The following ARL15 variants were observed in gnomAD, a reference collection of about 807,000 sequenced individuals.
ARL15 encodes ARF like GTPase 15.
In ARL15, 19 loss-of-function variants were observed where a neutral mutation model predicts 25.2. The observed-to-expected ratio is 0.75, with a 90% CI of 0.53 to 1.10. The LOEUF (loss-of-function observed/expected upper bound fraction) is 1.10. Ranked by LOEUF, ARL15 falls within the 50% of genes least tolerant of loss-of-function variation. The pLI is 0.00. For missense variants in ARL15, 220 were observed against 246.0 expected, an observed-to-expected ratio of 0.89 and a Z score of 0.71; for synonymous variants, 94 against 86.8, an observed-to-expected ratio of 1.08 and a Z score of -0.46.
intron 4 of ARL15, among the ~76,000 whole-genome samples, chr5:54,049,939 A>C (rs1021170983): frequency 2.0e-5 from 3 of 152,150 alleles, no homozygotes; most frequent in Non-Finnish European, 2.9e-5. Flanking sequence ...AAGAACGGGC[A>C]GACAAGTTTA....
chr5:54,179,479 C>T (rs1471905664), intron 1 of ARL15, among the ~76,000 whole-genome samples: 8 of 152,036 alleles, frequency 5.3e-5, no homozygotes, highest in Non-Finnish European at 2.9e-5. Flanking sequence ...GGTTTATGGC[C>T]AAAGTATCTC....
chr5:54,280,977 A>G (rs1196945906), intron 1 of ARL15, among the ~76,000 whole-genome samples: 1 of 151,974 alleles, frequency 6.6e-6, no homozygotes, highest in East Asian at 1.9e-4. Context: ...GCTGGTGGAA[A>G]AAAAAAAAAA....
intron 4 of ARL15, among the ~76,000 whole-genome samples, chr5:53,954,263 A>G (rs1050850611): frequency 6.6e-6 from 1 of 152,188 alleles, no homozygotes; most frequent in African/African-American, 2.4e-5. Context: ...CAGCTACTTC[A>G]GTAAGGTTGC....
At chr5:54,162,844 C>T (rs1374125505) in intron 2 of ARL15, among the ~76,000 whole-genome samples, 2 of 152,186 alleles carry the variant, frequency 1.3e-5, no homozygotes, top group Non-Finnish European at 2.9e-5. Context: ...ATCATGCCAT[C>T]AGCAAGTACG....
intron 1 of ARL15, among the ~76,000 whole-genome samples, chr5:54,175,942 G>A (rs561093140): frequency 1.3e-5 from 2 of 152,246 alleles, no homozygotes; most frequent in South Asian, 2.1e-4. Context: ...GTGAGCCACT[G>A]AGCCTGGTCT....
intron 1 of ARL15, among the ~76,000 whole-genome samples, chr5:54,220,861 T>C (rs553459321): frequency 1.4e-4 from 22 of 152,150 alleles, no homozygotes; most frequent in Admixed American, 2.6e-4. Context: ...AGATCCGCAG[T>C]GCCGACTCTC....
intron 4 of ARL15, among the ~76,000 whole-genome samples, chr5:53,908,998 AG>A (rs1411279753): frequency 6.6e-6 from 1 of 152,208 alleles, no homozygotes; most frequent in Non-Finnish European, 1.5e-5. Flanking sequence ...GAACAGGAAA[AG>A]TTCCATTCAT....
At position 54,209,333 on chromosome 5, in the gene ARL15, AAGAG is replaced by A. The variant is rs71600812; in HGVS notation, c.49-37409_49-37406del. 3.7e-3 allele frequency among the ~76,000 whole-genome samples: 544 copies of A among 148,578 alleles called. 2 individuals carry two copies. Among genetic ancestry groups the A allele is most frequent in the African/African-American group, 0.011 (459 of 40,562 alleles). On this transcript the variant is annotated intron_variant, in intron 1 of 4. Transcript: ENST00000504924. ...TGATGGTGGTAAATATAAAAAGAGA[AAGAG>A]AGAGAGAGAGAGAGAGAGGCTAAAT...
At position 54,087,018 on chromosome 5, in the gene ARL15, T is replaced by C. The variant is rs371076312; in HGVS notation, c.462+26184A>G. Among the ~76,000 whole-genome samples, 132 of 152,268 alleles carry C rather than the reference T, an allele frequency of 8.7e-4. 2 individuals are homozygous for C. Among genetic ancestry groups the C allele is most frequent in the African/African-American group, 3.2e-3 (131 of 41,550 alleles). On this transcript the variant is annotated intron_variant, in intron 4 of 4. Coordinates refer to ENST00000504924, the MANE Select transcript of ARL15 (RefSeq NM_019087.3). ...TAATAGATGATTTTCATGTTAAACC[T>C]GGGTAAGCAGAAGTAAGGTGTTTAA...
chr5:54,238,030 C>A (rs886671670), intron 1 of ARL15, among the ~76,000 whole-genome samples: 3 of 152,082 alleles, frequency 2.0e-5, no homozygotes, highest in Non-Finnish European at 4.4e-5. Flanking sequence ...ATTTTTAAAT[C>A]TTTATATTTT....
chr5:54,203,889 C>G (rs1297220546), intron 1 of ARL15, among the ~76,000 whole-genome samples: 1 of 152,012 alleles, frequency 6.6e-6, no homozygotes, highest in African/African-American at 2.4e-5. Context: ...TATAATGTTC[C>G]TACAGGCAGG....
At chr5:54,255,691 G>A (rs1395932885) in intron 1 of ARL15, among the ~76,000 whole-genome samples, 1 of 152,042 alleles carries the variant, frequency 6.6e-6, no homozygotes, top group Non-Finnish European at 1.5e-5. Context: ...TCATGTGATG[G>A]GCTGCAGCAT....
At chr5:53,920,383 T>TA (rs935498014) in intron 4 of ARL15, among the ~76,000 whole-genome samples, 3 of 152,144 alleles carry the variant, frequency 2.0e-5, no homozygotes, top group Admixed American at 1.3e-4. Flanking sequence ...GTCATTTTGT[T>TA]AAAAAATGGC....
chr5:53,886,370 T>G lies in ARL15; in HGVS notation c.*191A>C, dbSNP rs527717408. 2 of 595,460 alleles carry G rather than the reference T, an allele frequency of 3.4e-6. No homozygotes were observed. Among genetic ancestry groups the G allele is most frequent in the South Asian group, 4.7e-5 (2 of 42,452 alleles). The allele number at this position is 595,460 out of a possible 1,614,324, so 36.9% of individuals were successfully genotyped here. On this transcript the variant is annotated 3_prime_UTR_variant, in exon 5 of 5. Coordinates refer to ENST00000504924, the MANE Select transcript of ARL15 (RefSeq NM_019087.3). ...TAAATTCTCTCTCAGTAGTGTGTAC[T>G]TGACGTTAATGCCGATGATAATTCA...
chr5:54,269,925 G>A (rs1254393313), intron 1 of ARL15, among the ~76,000 whole-genome samples: 5 of 152,162 alleles, frequency 3.3e-5, no homozygotes, highest in Non-Finnish European at 7.3e-5. Context: ...GATTACAGGC[G>A]TGAGCCACCA....
intron 1 of ARL15, among the ~76,000 whole-genome samples, chr5:54,284,798 T>C (rs1396483290): frequency 1.3e-5 from 2 of 152,204 alleles, no homozygotes; most frequent in Non-Finnish European, 2.9e-5. Flanking sequence ...TCAGGCCAGG[T>C]GGCATGTCTA....
At chr5:54,190,005 A>G (rs1755350312) in intron 1 of ARL15, among the ~76,000 whole-genome samples, 1 of 152,228 alleles carries the variant, frequency 6.6e-6, no homozygotes, top group African/African-American at 2.4e-5. Context: ...AAAGAATTTG[A>G]AAAGACATTC....
chr5:53,940,389 CT>C (rs956253944), intron 4 of ARL15, among the ~76,000 whole-genome samples: 2 of 152,168 alleles, frequency 1.3e-5, no homozygotes, highest in African/African-American at 4.8e-5. Flanking sequence ...ACACCATAAC[CT>C]TTTGTCTCTA....
intron 4 of ARL15, among the ~76,000 whole-genome samples, chr5:54,045,865 A>T (rs960355053): frequency 2.0e-5 from 3 of 152,234 alleles, no homozygotes; most frequent in African/African-American, 7.2e-5. Context: ...TGCTAAAAAC[A>T]GAATAAAAGA....
Sources: allele counts gnomAD v4.1 joint callset (sites outside exome capture counted in the v4.1 genomes callset), GRCh38; gene constraint gnomAD v4.1.1; transcripts MANE v1.5; gene names NCBI Gene and HGNC (gene_info 2026-07-23, HGNC 2026-07-21).